FRMPD4: variants seen among roughly 807,000 people sequenced by gnomAD.
The protein encoded by FRMPD4 is FERM and PDZ domain containing 4.
Under a neutral mutation model 94.1 loss-of-function variants are expected in FRMPD4, and 22 were observed. That is an observed-to-expected ratio of 0.23 (90% CI 0.17 to 0.33). The LOEUF (loss-of-function observed/expected upper bound fraction) is 0.33. Among genes scored for constraint, FRMPD4 ranks in the 10% least tolerant of loss-of-function variants. The pLI is 1.00. For missense variants in FRMPD4, 1,111 were observed against 1,339.9 expected (o/e 0.83, Z 2.67); for synonymous variants, 631 against 548.6 (o/e 1.15, Z -2.10).
At chrX:12,001,570 C>A (rs2054524689) in intron 3 of FRMPD4, among the ~76,000 whole-genome samples, 1 of 111,951 alleles carries the variant, frequency 8.9e-6, no homozygotes, top group African/African-American at 3.2e-5. Flanking sequence ...TCCTCCAACA[C>A]AGAGTGCCTG....
In FRMPD4 at chrX:11,837,835, A is replaced by G. The variant is rs749293773; in HGVS notation, c.-161+15120A>G. 2.7e-5 allele frequency among the ~76,000 whole-genome samples: 3 copies of G among 111,704 alleles called. No homozygotes were observed. The East Asian group carries it at 8.4e-4, about 31-fold the overall frequency. ...TCCACTATAGTAGATCTGATTTAGG[A>G]GAATCGCTCAGTCTCACCAACCTTA... On this transcript the variant is annotated intron_variant, in intron 1 of 18. Coordinates refer to the FRMPD4 transcript ENST00000640291.
intron 1 of FRMPD4, among the ~76,000 whole-genome samples, chrX:12,256,091 C>T (rs1343741138): frequency 5.4e-5 from 6 of 111,716 alleles, no homozygotes; most frequent in African/African-American, 1.6e-4. Context: ...TGTGCTTGAC[C>T]ATCCCCCTAT....
At chrX:12,143,001 T>A (rs1310873964) in intron 1 of FRMPD4, among the ~76,000 whole-genome samples, 3 of 112,464 alleles carry the variant, frequency 2.7e-5, no homozygotes, top group African/African-American at 9.7e-5. Context: ...TCATTTGAGG[T>A]TAACCGTGGA....
At chrX:12,101,485 C>T (rs181037346) in intron 3 of FRMPD4, among the ~76,000 whole-genome samples, 29 of 111,902 alleles carry the variant, frequency 2.6e-4, no homozygotes, top group African/African-American at 9.4e-4. Context: ...CTCTTCAGAG[C>T]ATATGATGAG....
intron 3 of FRMPD4, among the ~76,000 whole-genome samples, chrX:11,925,958 T>C (rs1453068665): frequency 9.0e-6 from 1 of 110,921 alleles, no homozygotes; most frequent in South Asian, 3.8e-4. Context: ...CAGGAGCTGG[T>C]TTTTTGAAAA....
At chrX:12,443,917 C>G (rs1210058377) in intron 1 of FRMPD4, among the ~76,000 whole-genome samples, 1 of 111,907 alleles carries the variant, frequency 8.9e-6, no homozygotes, top group East Asian at 2.8e-4. Context: ...ACTTGCATAT[C>G]ATTTGCGTCA....
At position 12,656,091 on chromosome X, in the gene FRMPD4, A is replaced by G. The variant is rs2059653030; in HGVS notation, c.423-18772A>G. On this transcript the variant is annotated intron_variant, in intron 4 of 16. Transcript: ENST00000675598. ...TTCAGTCATAATGGCATTTATCTCC[A>G]CATCCACTCAAGAATATGTGTTTAG... Among the ~76,000 whole-genome samples, 4 of 112,424 alleles carry G rather than the reference A, an allele frequency of 3.6e-5. No homozygotes were observed. The South Asian group carries it at 1.5e-3, about 42-fold the overall frequency.
At chrX:12,205,091 TAA>T (rs11334075) in intron 1 of FRMPD4, among the ~76,000 whole-genome samples, 1,274 of 76,346 alleles carry the variant, frequency 0.017, 19 homozygotes, top group African/African-American at 0.038. Context: ...AATCAAATGC[TAA>T]AAAAAAAAAA....
intron 3 of FRMPD4, among the ~76,000 whole-genome samples, chrX:11,977,426 C>T (rs901877098): frequency 4.5e-5 from 5 of 112,135 alleles, no homozygotes; most frequent in African/African-American, 1.6e-4. Flanking sequence ...GTTGACTATC[C>T]GTTTTTAAAA....
At chrX:12,009,859 T>C (rs1361177013) in intron 3 of FRMPD4, among the ~76,000 whole-genome samples, 1 of 112,171 alleles carries the variant, frequency 8.9e-6, no homozygotes, top group Non-Finnish European at 1.9e-5. Context: ...AGCTCTTTTG[T>C]AAACCTTTTA....
intron 1 of FRMPD4, among the ~76,000 whole-genome samples, chrX:12,214,178 AT>A (rs1038724020): frequency 1.8e-5 from 2 of 111,384 alleles, no homozygotes; most frequent in African/African-American, 6.5e-5. Context: ...TTTTCCCTGA[AT>A]TTTTTTTCTT....
chrX:12,678,790 A>G (rs894316236), intron 5 of FRMPD4, among the ~76,000 whole-genome samples: 39 of 111,998 alleles, frequency 3.5e-4, no homozygotes, highest in African/African-American at 1.2e-3. Context: ...GCACCATTGC[A>G]CTCCACCCTG....
At chrX:12,388,295 C>T (rs1198946979) in intron 1 of FRMPD4, among the ~76,000 whole-genome samples, 1 of 112,026 alleles carries the variant, frequency 8.9e-6, no homozygotes, top group Non-Finnish European at 1.9e-5. Flanking sequence ...TTTGTAGATG[C>T]AAGATATATT....
chrX:12,268,582 T>A (rs2054308010), intron 1 of FRMPD4, among the ~76,000 whole-genome samples: 1 of 111,941 alleles, frequency 8.9e-6, no homozygotes, highest in Non-Finnish European at 1.9e-5. Context: ...TCTTTTGTAT[T>A]CTACCATCTC....
At chrX:12,334,326 T>G (rs979129824) in intron 1 of FRMPD4, among the ~76,000 whole-genome samples, 1 of 111,534 alleles carries the variant, frequency 9.0e-6, no homozygotes, top group South Asian at 3.8e-4. Flanking sequence ...CTTTTCTTTC[T>G]TTCTCGGATT....
rs762512499 is a variant in FRMPD4 at position 12,232,004 on chromosome X, A to G, written c.41+92992A>G. ...AAATCAGGGCACTGTTAAGAGTGAA[A>G]AGGAGGCTATTAATAATTACTCTGG... On this transcript the variant is annotated intron_variant, in intron 1 of 16. Transcript: ENST00000675598. Among the ~76,000 whole-genome samples the G allele has an allele frequency of 5.4e-5, 6 of 111,461 alleles. No individual in the cohort carries two copies. The Admixed American group carries it at 5.7e-4, about 11-fold the overall frequency.
At chrX:12,538,560 C>A (rs1417304460) in intron 2 of FRMPD4, among the ~76,000 whole-genome samples, 2 of 111,980 alleles carry the variant, frequency 1.8e-5, no homozygotes, top group Admixed American at 1.9e-4. Flanking sequence ...AGTAGCCTAA[C>A]TGGGAGGCAC....
At chrX:12,177,317 A>G (rs1267854751) in intron 1 of FRMPD4, among the ~76,000 whole-genome samples, 2 of 112,546 alleles carry the variant, frequency 1.8e-5, no homozygotes, top group African/African-American at 3.2e-5. Flanking sequence ...GAAAATTTCC[A>G]TGAAAAAGTT....
chrX:12,448,352 AAAAC>A, intron 1 of FRMPD4, among the ~76,000 whole-genome samples: 1 of 112,381 alleles, frequency 8.9e-6, no homozygotes, highest in East Asian at 2.8e-4. Context: ...TTTGAGTAAA[AAAAC>A]AAAAACCAAA....
Sources: gnomAD v4.1 joint callset for allele counts (sites outside exome capture counted in the v4.1 genomes callset) on GRCh38, gnomAD v4.1.1 for gene constraint, MANE v1.5 for transcripts, NCBI Gene and HGNC (gene_info 2026-07-23, HGNC 2026-07-21) for gene names.